The following ADGRV1 variants were observed in gnomAD, a reference collection of about 807,000 sequenced individuals.
ADGRV1 encodes the protein G-protein coupled receptor 98.
Under a neutral mutation model 596.2 loss-of-function variants are expected in ADGRV1, and 359 were observed. The observed-to-expected ratio is 0.60, with a 90% CI of 0.55 to 0.66. The LOEUF (loss-of-function observed/expected upper bound fraction) is 0.66. ADGRV1 is among the 30% of genes least tolerant of loss of function. The pLI is 0.00. For synonymous variants in ADGRV1, 2,681 were observed against 2,679.2 expected (o/e 1.00, Z -0.02); for missense variants, 7,274 against 7,575.6 (o/e 0.96, Z 1.48).
rs952445352 is a variant in ADGRV1 at position 90,759,599 on chromosome 5, C to T, written c.12120+11C>T. The T allele has an allele frequency of 1.2e-6, 2 of 1,605,230 alleles. No homozygotes were observed. The highest frequency in any genetic ancestry group is 1.7e-5 in the Admixed American group (1 of 59,888). On this transcript the variant is annotated intron_variant, in intron 58 of 89. Coordinates refer to ENST00000405460, the MANE Select transcript of ADGRV1 (RefSeq NM_032119.4). ...TTTGAAGAAAAGACTGTAAGTTAAA[C>T]ATATCAGGGGAAAGCCTTGTTTCAG...
At chr5:91,002,986 C>T (rs1156414979) in intron 85 of ADGRV1, among the ~76,000 whole-genome samples, 6 of 152,124 alleles carry the variant, frequency 3.9e-5, no homozygotes, top group Non-Finnish European at 1.5e-5. Flanking sequence ...ATGTCAGCCC[C>T]CCAGTAGACT....
At chr5:91,056,167 AGAG>A (rs1202069544) in intron 85 of ADGRV1, among the ~76,000 whole-genome samples, 1 of 152,198 alleles carries the variant, frequency 6.6e-6, no homozygotes, top group Non-Finnish European at 1.5e-5. Flanking sequence ...GCATTGTTGT[AGAG>A]AAGAATTGGG....
chr5:90,972,862 T>C (rs1319016758), intron 84 of ADGRV1, among the ~76,000 whole-genome samples: 1 of 151,278 alleles, frequency 6.6e-6, no homozygotes, highest in East Asian at 1.9e-4. Flanking sequence ...AGAGCAGAAA[T>C]GAAGGAGATA....
chr5:90,737,350 CAT>C (rs1220775473), intron 50 of ADGRV1, among the ~76,000 whole-genome samples: 10 of 152,064 alleles, frequency 6.6e-5, no homozygotes, highest in African/African-American at 2.4e-4. Flanking sequence ...TGTGGCCTAA[CAT>C]ATAGTCTATC....
chr5:90,925,982 C>G (rs2150767404), intron 83 of ADGRV1, among the ~76,000 whole-genome samples: 1 of 130,770 alleles, frequency 7.6e-6, no homozygotes, highest in South Asian at 2.9e-4. Flanking sequence ...GGGATGAAGC[C>G]CACTTGATCA....
At chr5:90,821,656 T>G (rs1034723742) in intron 75 of ADGRV1, among the ~76,000 whole-genome samples, 58 of 151,732 alleles carry the variant, frequency 3.8e-4, no homozygotes, top group Admixed American at 7.9e-4. Context: ...CAGCTGCAGG[T>G]CTGTTGGAAT....
intron 59 of ADGRV1, among the ~76,000 whole-genome samples, chr5:90,769,407 A>G (rs1382585121): frequency 6.6e-6 from 1 of 152,178 alleles, no homozygotes; most frequent in African/African-American, 2.4e-5. Flanking sequence ...AGTAACTTCT[A>G]GAAACTTTGT....
At chr5:90,862,290 A>G (rs901091131) in intron 82 of ADGRV1, among the ~76,000 whole-genome samples, 1 of 135,978 alleles carries the variant, frequency 7.4e-6, no homozygotes, top group African/African-American at 2.8e-5. Context: ...CAGAGCACAT[A>G]TTTGTGATCA....
At chr5:91,046,712 CAGT>C (rs1276253870) in intron 85 of ADGRV1, among the ~76,000 whole-genome samples, 2 of 152,190 alleles carry the variant, frequency 1.3e-5, no homozygotes, top group Non-Finnish European at 2.9e-5. Flanking sequence ...AAGGAACAAT[CAGT>C]GGAGTAAACA....
At chr5:90,765,470 C>CAGAG (rs546930616) in intron 59 of ADGRV1, among the ~76,000 whole-genome samples, 4 of 149,338 alleles carry the variant, frequency 2.7e-5, no homozygotes, top group African/African-American at 9.9e-5. Context: ...CACACACACA[C>CAGAG]AAACTCTAGA....
intron 81 of ADGRV1, 24 bp from the exon 82 acceptor site, chr5:90,855,717 A>G: frequency 1.3e-6 from 2 of 1,515,268 alleles, no homozygotes; most frequent in South Asian, 1.4e-5. Context: ...AAGAGGAAAA[A>G]TGACTATTGT....
chr5:90,896,243 A>C (rs1771297451), intron 83 of ADGRV1, among the ~76,000 whole-genome samples: 1 of 149,854 alleles, frequency 6.7e-6, no homozygotes, highest in Non-Finnish European at 1.5e-5. Flanking sequence ...AAAATAAATA[A>C]ATCTGATATT....
At chr5:90,692,961 T>G (rs572868403) in intron 32 of ADGRV1, among the ~76,000 whole-genome samples, 175 bp downstream of exon 32, 1 of 152,276 alleles carries the variant, frequency 6.6e-6, no homozygotes, top group South Asian at 2.1e-4. Flanking sequence ...AAAGGGCCTT[T>G]CATTTATCAT....
chr5:90,584,113 T>C (rs2151980503), intron 1 of ADGRV1, among the ~76,000 whole-genome samples: 1 of 152,332 alleles, frequency 6.6e-6, no homozygotes, highest in East Asian at 1.9e-4. Flanking sequence ...ATAGTACCTA[T>C]ATTATACAAT....
intron 83 of ADGRV1, among the ~76,000 whole-genome samples, chr5:90,915,715 C>T (rs532283352): frequency 4.8e-4 from 73 of 152,208 alleles, no homozygotes; most frequent in Non-Finnish European, 7.9e-4. Flanking sequence ...TCCCCCAGCC[C>T]CCGTGGGTGC....
At chr5:90,754,795 C>T (rs747579329) in intron 54 of ADGRV1, among the ~76,000 whole-genome samples, 188 bp from the exon 55 acceptor site, 4 of 152,172 alleles carry the variant, frequency 2.6e-5, no homozygotes, top group African/African-American at 4.8e-5. Context: ...TGGTGATTCT[C>T]TGCCCAACTT....
intron 75 of ADGRV1, among the ~76,000 whole-genome samples, chr5:90,822,503 C>G (rs1359680408): frequency 6.6e-6 from 1 of 152,150 alleles, no homozygotes; most frequent in Non-Finnish European, 1.5e-5. Context: ...TGTTTTGGTA[C>G]CAGTACCATG....
chr5:90,898,674 G>A (rs1771547709), intron 83 of ADGRV1, among the ~76,000 whole-genome samples: 1 of 151,994 alleles, frequency 6.6e-6, no homozygotes, highest in Non-Finnish European at 1.5e-5. Context: ...CTGGGTGCGG[G>A]GACTCACACC....
chr5:91,036,646 C>CA (rs1338342707), intron 85 of ADGRV1, among the ~76,000 whole-genome samples: 1 of 151,730 alleles, frequency 6.6e-6, no homozygotes, highest in East Asian at 1.9e-4. Context: ...TCACTTGAGC[C>CA]CAGGAGTTGG....
Sources: allele counts gnomAD v4.1 joint callset (sites outside exome capture counted in the v4.1 genomes callset), GRCh38; gene constraint gnomAD v4.1.1; transcripts MANE v1.5; gene names NCBI Gene and HGNC (gene_info 2026-07-23, HGNC 2026-07-21).